Variants in KPNA5 observed in about 807,000 individuals in gnomAD.
KPNA5 encodes karyopherin subunit alpha 5, also known as importin subunit alpha-6.
KPNA5 carries 46 observed loss-of-function variants against 71.3 expected under a neutral mutation model. That is an observed-to-expected ratio of 0.65 (90% confidence interval 0.51 to 0.83). The LOEUF is 0.83. KPNA5 is among the 40% of genes least tolerant of loss of function. The pLI, the probability that KPNA5 is intolerant of heterozygous loss-of-function variation, is 0.00. For synonymous variants in KPNA5, 207 were observed against 201.4 expected, an observed-to-expected ratio of 1.03 and a Z score of -0.24; for missense variants, 547 against 628.3, an observed-to-expected ratio of 0.87 and a Z score of 1.38.
intron 7 of KPNA5, among the ~76,000 whole-genome samples, chr6:116,710,895 T>TATATATATA (rs61559803): frequency 1.7e-5 from 1 of 58,038 alleles, no homozygotes; most frequent in Non-Finnish European, 2.7e-5. Context: ...ATATATATAT[T>TATATATATA]TTTTTTTTTT....
chr6:116,706,614 AGGAGGT>A (rs1444784514), intron 7 of KPNA5, among the ~76,000 whole-genome samples: 1 of 152,146 alleles, frequency 6.6e-6, no homozygotes, highest in Non-Finnish European at 1.5e-5. Flanking sequence ...GCTTGTACCC[AGGAGGT>A]GGAGGTTGTG....
intron 7 of KPNA5, among the ~76,000 whole-genome samples, chr6:116,711,901 G>A (rs1026539526): frequency 3.5e-4 from 54 of 152,176 alleles, no homozygotes; most frequent in Admixed American, 8.5e-4. Flanking sequence ...GATTACAGGC[G>A]TGAGCCACTG....
rs1779766555 is a variant in KPNA5 at position 116,738,898 on chromosome 6, C to T, written c.*6575C>T. 1 of 151,820 alleles carries T rather than the reference C, an allele frequency of 6.6e-6. No individual in the cohort carries two copies. Among genetic ancestry groups the T allele is most frequent in the African/African-American group, 2.4e-5 (1 of 41,318 alleles). The allele number at this position is 151,820 out of a possible 1,614,324, so 9.4% of individuals were successfully genotyped here. A position where few individuals can be genotyped will look rare whatever the true frequency, so the allele number is the denominator to read the frequency against. ...TGACAAACCCACAGCCAATATCATA[C>T]TGAATGGGCAAAAACTGGAAGCATT... is the stretch of plus-strand genomic sequence containing the variant. On this transcript the variant is annotated 3_prime_UTR_variant, in exon 14 of 14. Coordinates refer to ENST00000368564, the MANE Select transcript of KPNA5 (RefSeq NM_001366306.2).
In KPNA5 at chr6:116,724,387, C is replaced by A; in HGVS notation, c.999+12C>A. 1 of 1,579,730 alleles carries A rather than the reference C, an allele frequency of 6.3e-7. No individual in the cohort carries two copies. The highest frequency in any genetic ancestry group is 1.1e-5 in the South Asian group (1 of 89,962). On this transcript the variant is annotated intron_variant, in intron 10 of 13. Transcript: ENST00000368564. ...ATATTCAAACACAGGTGAGTTCAAACTTGAGTATCATAAATTGTTAACATA... is the reference window on the plus strand; with the variant it reads ...ATATTCAAACACAGGTGAGTTCAAAATTGAGTATCATAAATTGTTAACATA...
Position 116,729,701 on chromosome 6 carries a change from A to G in KPNA5, c.1392A>G (p.Ile464Met). 6.2e-7 allele frequency: 1 copy of G among 1,608,074 alleles called. No homozygotes were observed. The highest frequency in any genetic ancestry group is 2.2e-5 in the East Asian group (1 of 44,558). ...AACAAGAATCTAAGCAGAATGGAAT[A>G]GGCATTAATCCATACTGTGCTCTCA... ...LGEQESKQNG[I>M]GINPYCALIE... Residue 464 changes from isoleucine to methionine, a missense_variant, in exon 13 of 14, where the codon ATA (isoleucine) becomes ATG (methionine). Ile to Met is a conservative substitution (Grantham distance 10). Coordinates refer to ENST00000368564, the MANE Select transcript of KPNA5 (RefSeq NM_001366306.2).
chr6:116,689,174 G>A (rs987633990), intron 1 of KPNA5, 146 bp from the exon 2 acceptor site: 1 of 733,940 alleles, frequency 1.4e-6, no homozygotes, highest in Non-Finnish European at 2.3e-6. Context: ...GGAATTAAGG[G>A]AATGTATTCT....
chr6:116,720,866 G>A (rs952822690), intron 8 of KPNA5, among the ~76,000 whole-genome samples: 6 of 152,160 alleles, frequency 3.9e-5, no homozygotes, highest in African/African-American at 1.4e-4. Flanking sequence ...TGATTTCTCT[G>A]TTCAAGGAAG....
chr6:116,703,385 T>C (rs1778303165), intron 6 of KPNA5, among the ~76,000 whole-genome samples: 1 of 151,858 alleles, frequency 6.6e-6, no homozygotes, highest in Admixed American at 6.6e-5. Flanking sequence ...GCCTCAGCCT[T>C]CCGAGTAGCT....
rs578149033 is a variant in KPNA5 at position 116,733,842 on chromosome 6, G to A, written c.*1519G>A. ...TTTGTAATGTTTCTGCTGGAAATCAGAGGCACGTTCCAAGAGGAAAATGTA... is the reference window on the plus strand; with the variant it reads ...TTTGTAATGTTTCTGCTGGAAATCAAAGGCACGTTCCAAGAGGAAAATGTA... On this transcript the variant is annotated 3_prime_UTR_variant, in exon 14 of 14. Transcript: ENST00000368564. The A allele has an allele frequency of 3.3e-5, 5 of 151,700 alleles. No individual in the cohort carries two copies. The South Asian group carries it at 8.3e-4, about 25-fold the overall frequency. 9.4% of individuals were successfully genotyped at this position (151,700 alleles called of 1,614,324 possible).
chr6:116,698,666 G>T, intron 4 of KPNA5, 38 bp from the exon 5 acceptor site: 1 of 1,215,962 alleles, frequency 8.2e-7, no homozygotes, highest in South Asian at 1.3e-5. Context: ...TTTTCTTTTT[G>T]TGTCTTTGTA....
At chr6:116,725,640 C>T in intron 10 of KPNA5, 111 bp from the exon 11 acceptor site, 1 of 995,540 alleles carries the variant, frequency 1.0e-6, no homozygotes, top group Non-Finnish European at 1.4e-6. Flanking sequence ...TTTCTCCTTT[C>T]TTAATTTCAC....
intron 8 of KPNA5, among the ~76,000 whole-genome samples, chr6:116,721,251 A>G (rs2114482396): frequency 6.6e-6 from 1 of 152,372 alleles, no homozygotes; most frequent in Non-Finnish European, 1.5e-5. Context: ...CATCTAAAAT[A>G]TTAGAACATT....
intron 4 of KPNA5, among the ~76,000 whole-genome samples, chr6:116,695,186 G>A (rs911782667): frequency 1.3e-5 from 2 of 151,978 alleles, no homozygotes; most frequent in African/African-American, 4.8e-5. Flanking sequence ...ACGTTTGCCT[G>A]CCAAAGTTCT....
chr6:116,681,617 C>T lies in KPNA5; in HGVS notation c.4+279C>T, dbSNP rs140140270. The T allele has an allele frequency of 5.1e-4, 525 of 1,026,556 alleles. 4 individuals carry two copies. In the African/African-American group the frequency reaches 7.8e-3, roughly 15 times the overall value. 63.6% of individuals were successfully genotyped at this position (1,026,556 alleles called of 1,614,324 possible). A position where few individuals can be genotyped will look rare whatever the true frequency, so the allele number is the denominator to read the frequency against. On this transcript the variant is annotated intron_variant, in intron 1 of 13. Coordinates refer to ENST00000368564, the MANE Select transcript of KPNA5 (RefSeq NM_001366306.2). ...GGCAGCTGGTCTCATCTTCGCCGCC[C>T]CGCCTCACCGTTTCTCGGTAGTTCT...
At chr6:116,681,682 T>A in intron 1 of KPNA5, 1 of 347,404 alleles carries the variant, frequency 2.9e-6, no homozygotes, top group East Asian at 1.1e-4. Context: ...CACTCATACC[T>A]GGTACCCATC....
rs1275232705 is a variant in KPNA5 at position 116,681,309 on chromosome 6, TC to T, written c.-25del. On this transcript the variant is annotated 5_prime_UTR_variant, in exon 1 of 14. Transcript: ENST00000368564. ...CACGTCGCCGCTGGGGACTGGGAAA[TC>T]AGGGCATCGGAGAGTGCCACATTAA... The T allele has an allele frequency of 6.2e-7, 1 of 1,610,322 alleles. No homozygotes were observed. The highest frequency in any genetic ancestry group is 8.5e-7 in the Non-Finnish European group (1 of 1,177,930).
intron 5 of KPNA5, among the ~76,000 whole-genome samples, chr6:116,700,468 A>G (rs1228476068): frequency 9.8e-6 from 1 of 101,618 alleles, no homozygotes; most frequent in African/African-American, 3.1e-5. Context: ...AAATAAATAA[A>G]CAAACAAACA....
At chr6:116,701,663 T>A (rs1778234839) in intron 5 of KPNA5, among the ~76,000 whole-genome samples, 1 of 152,150 alleles carries the variant, frequency 6.6e-6, no homozygotes, top group African/African-American at 2.4e-5. Context: ...TAGTGTCTCT[T>A]ATTTATTTTT....
chr6:116,728,136 T>C (rs904039858), intron 12 of KPNA5, among the ~76,000 whole-genome samples: 3 of 152,142 alleles, frequency 2.0e-5, no homozygotes, highest in Non-Finnish European at 4.4e-5. Context: ...TCATCAGTAT[T>C]TCCACTTTGT....
Sources: gnomAD v4.1 joint callset for allele counts (sites outside exome capture counted in the v4.1 genomes callset) on GRCh38, gnomAD v4.1.1 for gene constraint, MANE v1.5 for transcripts, NCBI Gene and HGNC (gene_info 2026-07-23, HGNC 2026-07-21) for gene names.